The following SLC13A3 variants were observed in gnomAD, a reference collection of about 807,000 sequenced individuals.
SLC13A3 encodes the protein Na(+)/dicarboxylate cotransporter 3.
A neutral mutation model predicts 59.0 loss-of-function variants in SLC13A3; 40 were observed. The ratio of observed to expected loss-of-function variants is 0.68; its 90% confidence interval spans 0.53 to 0.88. SLC13A3 has a LOEUF of 0.88. SLC13A3 is among the 40% of genes least tolerant of loss of function. The pLI is 0.00. For missense variants in SLC13A3, 699 were observed against 783.2 expected (o/e 0.89, Z 1.28); for synonymous variants, 317 against 330.3 (o/e 0.96, Z 0.44).
chr20:46,626,055 G>A (rs2062665917), intron 1 of SLC13A3, among the ~76,000 whole-genome samples: 1 of 151,714 alleles, frequency 6.6e-6, no homozygotes, highest in Admixed American at 6.6e-5. Flanking sequence ...TGGTAGGAAA[G>A]TTGTTTAAAT....
chr20:46,596,138 T>C lies in SLC13A3; in HGVS notation c.794+19A>G, dbSNP rs749975960. On this transcript the variant is annotated intron_variant, in intron 5 of 12. Transcript: ENST00000279027. ...GGAGGAGCAGAACCCTCCCCGCCGG[T>C]GGGGACTCTCGCTTTCACCTCTTGA... The C allele has an allele frequency of 6.2e-7, 1 of 1,608,728 alleles. No homozygotes were observed. Among genetic ancestry groups the C allele is most frequent in the Non-Finnish European group, 8.5e-7 (1 of 1,177,254 alleles).
chr20:46,655,854 A>C (rs1218536949), upstream of SLC13A3, among the ~76,000 whole-genome samples: 1 of 137,430 alleles, frequency 7.3e-6, no homozygotes. Context: ...TACTGTATAT[A>C]ATATATATAC....
chr20:46,580,362 G>A (rs1246459591), intron 9 of SLC13A3, among the ~76,000 whole-genome samples: 1 of 151,692 alleles, frequency 6.6e-6, no homozygotes, highest in African/African-American at 2.4e-5. Context: ...AGGGCCATGT[G>A]TTTCTTGAGA....
rs2061913971 is a variant in SLC13A3, at chr20:46,559,641, C to G, written c.*381G>C. 5.8e-6 allele frequency: 1 copy of G among 172,216 alleles called. No homozygotes were observed. The highest frequency in any genetic ancestry group is 1.2e-5 in the Non-Finnish European group (1 of 80,990). The allele number at this position is 172,216 out of a possible 1,614,324, so 10.7% of individuals were successfully genotyped here. On this transcript the variant is annotated 3_prime_UTR_variant, in exon 13 of 13. Coordinates refer to ENST00000279027, the MANE Select transcript of SLC13A3 (RefSeq NM_022829.6). ...TCTTCAGTGTAATCGAAAGTAATCA[C>G]TGGGGGATAATGTTAGCTGTGCCCA...
chr20:46,558,607 G>A lies in SLC13A3; in HGVS notation c.*1415C>T, dbSNP rs922087240. On this transcript the variant is annotated 3_prime_UTR_variant, in exon 13 of 13. Transcript: ENST00000279027. ...TGATTCAACACTGAGTGCTCACTTG[G>A]AAAGGAGGTGGAGCTCAACTTCCAA... The A allele has an allele frequency of 1.3e-5, 2 of 152,156 alleles. No homozygotes were observed. The highest frequency in any genetic ancestry group is 1.3e-4 in the Admixed American group (2 of 15,280). The allele number at this position is 152,156 out of a possible 1,614,324, so 9.4% of individuals were successfully genotyped here.
Position 46,563,443 on chromosome 20 carries a change from C to A in SLC13A3, c.1603G>T (p.Ala535Ser), listed in dbSNP as rs139768929. Residue 535 changes from alanine to serine, a missense_variant, in exon 12 of 13, where the codon GCC becomes TCC. Transcript: ENST00000279027. ...VSTPPNSIAF[A>S]SGHLLVKDMV... ...TCTTTGACCAGCAAGTGTCCAGAGG[C>A]GAAGGCGATGGAGTTGGGGGGCGTT... The A allele has an allele frequency of 6.2e-7, 1 of 1,613,996 alleles. No homozygotes were observed. The highest frequency in any genetic ancestry group is 8.5e-7 in the Non-Finnish European group (1 of 1,179,990).
In SLC13A3 at chr20:46,558,919, T is replaced by G. The variant is rs1020883355; in HGVS notation, c.*1103A>C. The G allele has an allele frequency of 6.6e-6, 1 of 151,704 alleles. No individual in the cohort carries two copies. Among genetic ancestry groups the G allele is most frequent in the African/African-American group, 2.4e-5 (1 of 41,254 alleles). 9.4% of individuals were successfully genotyped at this position (151,704 alleles called of 1,614,324 possible). ...GCTTCTGCTTGGAACAAAGAGGGAT[T>G]AACCCTTGAAGGCAGACACCACTTC... On this transcript the variant is annotated 3_prime_UTR_variant, in exon 13 of 13. Transcript: ENST00000279027.
intron 1 of SLC13A3, among the ~76,000 whole-genome samples, chr20:46,646,172 C>A (rs1255254685): frequency 6.6e-6 from 1 of 152,130 alleles, no homozygotes; most frequent in African/African-American, 2.4e-5. Flanking sequence ...TCTGGAAAAC[C>A]TCTGTTGGGG....
intron 9 of SLC13A3, 58 bp downstream of exon 9, chr20:46,583,514 A>T (rs2062159569): frequency 1.8e-5 from 29 of 1,595,226 alleles, no homozygotes; most frequent in Non-Finnish European, 2.3e-5. Flanking sequence ...CTTGATGACC[A>T]CACTCCATGC....
chr20:46,599,861 T>C (rs552255799), intron 4 of SLC13A3, 110 bp downstream of exon 4: 2 of 737,540 alleles, frequency 2.7e-6, no homozygotes, highest in Non-Finnish European at 2.2e-6. Context: ...ATTAGGTCAT[T>C]TGGAGAAAAA....
At chr20:46,649,344 C>T (rs554016935) in intron 1 of SLC13A3, among the ~76,000 whole-genome samples, 10 of 152,276 alleles carry the variant, frequency 6.6e-5, no homozygotes, top group African/African-American at 2.2e-4. Flanking sequence ...AGCCTCGTAC[C>T]GAATCCTGTA....
intron 10 of SLC13A3, among the ~76,000 whole-genome samples, chr20:46,571,408 T>G (rs1215762423): frequency 6.6e-6 from 1 of 152,196 alleles, no homozygotes; most frequent in Non-Finnish European, 1.5e-5. Flanking sequence ...CTCAATGAAT[T>G]AATGCAATAA....
chr20:46,658,940 T>C (rs1018782654), intron 1 of SLC13A3, among the ~76,000 whole-genome samples: 1 of 152,234 alleles, frequency 6.6e-6, no homozygotes, highest in African/African-American at 2.4e-5. Context: ...GCCCTTTGTG[T>C]TGAAGTCCAC....
At chr20:46,645,661 T>C (rs1047873563) in intron 1 of SLC13A3, among the ~76,000 whole-genome samples, 4 of 152,206 alleles carry the variant, frequency 2.6e-5, no homozygotes, top group Admixed American at 1.3e-4. Flanking sequence ...TGGTACTAGT[T>C]TGTCTTTAAT....
intron 9 of SLC13A3, among the ~76,000 whole-genome samples, chr20:46,580,828 A>T (rs1461173373): frequency 6.6e-6 from 1 of 152,072 alleles, no homozygotes; most frequent in East Asian, 1.9e-4. Flanking sequence ...CATAAGACAC[A>T]CCCACCAGTA....
chr20:46,583,286 T>G, intron 9 of SLC13A3: 1 of 797,020 alleles, frequency 1.3e-6, no homozygotes, highest in Non-Finnish European at 1.6e-6. Flanking sequence ...TCTTTTGGTT[T>G]TTTTTTCAAC....
At chr20:46,604,209 A>G (rs2062412828) in intron 3 of SLC13A3, among the ~76,000 whole-genome samples, 1 of 152,054 alleles carries the variant, frequency 6.6e-6, no homozygotes, top group Non-Finnish European at 1.5e-5. Flanking sequence ...TAAATGAGTG[A>G]CTGCTCCTTC....
chr20:46,563,615 G>GGA (rs1555874384), intron 11 of SLC13A3, 64 bp from the exon 12 acceptor site: 140 of 1,426,020 alleles, frequency 9.8e-5, no homozygotes, highest in Admixed American at 8.9e-5. Flanking sequence ...ACAGCAAGAG[G>GGA]GAGAGAGAGA....
intron 1 of SLC13A3, among the ~76,000 whole-genome samples, chr20:46,631,149 G>A (rs747250542): frequency 1.3e-5 from 2 of 152,168 alleles, no homozygotes; most frequent in Non-Finnish European, 2.9e-5. Flanking sequence ...GGGTGATTCT[G>A]TCCCCCAGGG....
Sources: allele counts gnomAD v4.1 joint callset (sites outside exome capture counted in the v4.1 genomes callset), GRCh38; gene constraint gnomAD v4.1.1; transcripts MANE v1.5; gene names NCBI Gene and HGNC (gene_info 2026-07-23, HGNC 2026-07-21).